Variants in PCNX1 observed in about 807,000 individuals in gnomAD.
PCNX1 encodes pecanex 1, also known as pecanex-like protein 1.
In PCNX1, 78 loss-of-function variants were observed where a neutral mutation model predicts 242.2. That is an observed-to-expected ratio of 0.32 (90% CI 0.27 to 0.39). The LOEUF is 0.39. Among genes scored for constraint, PCNX1 ranks in the 10% least tolerant of loss-of-function variants. The pLI is 1.00. For synonymous variants in PCNX1, 1,024 were observed against 1,032.9 expected (o/e 0.99, Z 0.17); for missense variants, 2,581 against 2,856.5 (o/e 0.90, Z 2.20).
At position 71,065,629 on chromosome 14, in the gene PCNX1, A is replaced by G. The variant is rs117852946; in HGVS notation, c.4852+7905A>G. 9.0e-3 allele frequency among the ~76,000 whole-genome samples: 1,367 copies of G among 152,026 alleles called. 10 individuals are homozygous for G. Among genetic ancestry groups the G allele is most frequent in the Non-Finnish European group, 0.012 (843 of 67,970 alleles). Reference sequence around the variant, plus strand: ...ACAGAAGCTCTTTAGTTTAGATCCCATTTGTCTATTTTGGCTTTTGTTGCC... The same window carrying G: ...ACAGAAGCTCTTTAGTTTAGATCCCGTTTGTCTATTTTGGCTTTTGTTGCC... On this transcript the variant is annotated intron_variant, in intron 26 of 35. Transcript: ENST00000304743.
intron 8 of PCNX1, among the ~76,000 whole-genome samples, chr14:71,003,537 C>T (rs2059571603): frequency 1.3e-5 from 2 of 152,000 alleles, no homozygotes; most frequent in African/African-American, 2.4e-5. Context: ...TCATCAATGT[C>T]GTTATTATAG....
intron 19 of PCNX1, among the ~76,000 whole-genome samples, chr14:71,042,872 AT>A (rs1421792107): frequency 2.6e-5 from 4 of 152,068 alleles, no homozygotes; most frequent in African/African-American, 9.7e-5. Context: ...ACTTAAAAAA[AT>A]CATTTGTTTA....
rs1464312795 is a variant in PCNX1 at position 71,073,668 on chromosome 14, A to T, written c.4976A>T (p.Gln1659Leu). 6.2e-7 allele frequency: 1 copy of T among 1,614,000 alleles called. No individual in the cohort carries two copies. Among genetic ancestry groups the T allele is most frequent in the East Asian group, 2.2e-5 (1 of 44,880 alleles). ...HMLSFNAAFSQRWLAWEVIVT... is the reference protein window; with the variant it reads ...HMLSFNAAFSLRWLAWEVIVT... ...CTTTCATTTAATGCTGCATTTAGCC[A>T]GCGATGGCTAGCTTGGGAAGTGATA... Residue 1659 changes from glutamine to leucine, a missense_variant, in exon 27 of 36, where the codon CAG (glutamine) becomes CTG (leucine). Coordinates refer to ENST00000304743, the MANE Select transcript of PCNX1 (RefSeq NM_014982.3).
chr14:71,005,749 G>A (rs2059638332), intron 8 of PCNX1, among the ~76,000 whole-genome samples: 1 of 152,074 alleles, frequency 6.6e-6, no homozygotes, highest in Non-Finnish European at 1.5e-5. Context: ...TGTTAAGTGA[G>A]TATCCAGTTT....
intron 27 of PCNX1, among the ~76,000 whole-genome samples, chr14:71,074,990 C>CTCTTTTTTTTTTTTTTTTT (rs1159668298): frequency 9.9e-6 from 1 of 101,100 alleles, no homozygotes; most frequent in African/African-American, 3.8e-5. Flanking sequence ...CTTTTCTTCT[C>CTCTTTTTTTTTTTTTTTTT]TTTTTTTTTT....
At chr14:70,986,929 A>G (rs1233166282) in intron 6 of PCNX1, among the ~76,000 whole-genome samples, 1 of 152,230 alleles carries the variant, frequency 6.6e-6, no homozygotes, top group African/African-American at 2.4e-5. Flanking sequence ...ATTGAGTTTT[A>G]AAATAGTGAT....
intron 5 of PCNX1, among the ~76,000 whole-genome samples, chr14:70,972,249 C>T (rs2058563216): frequency 1.4e-5 from 2 of 144,850 alleles, no homozygotes; most frequent in African/African-American, 5.2e-5. Flanking sequence ...GGAGCAGATT[C>T]AGGGTGGGGA....
intron 5 of PCNX1, among the ~76,000 whole-genome samples, chr14:70,973,041 C>T (rs1456942736): frequency 6.6e-6 from 1 of 151,996 alleles, no homozygotes; most frequent in African/African-American, 2.4e-5. Flanking sequence ...GGCTGGAGGC[C>T]AGGAGTTCAA....
chr14:71,058,079 T>C (rs1451212957), intron 26 of PCNX1, among the ~76,000 whole-genome samples: 1 of 152,254 alleles, frequency 6.6e-6, no homozygotes, highest in Non-Finnish European at 1.5e-5. Context: ...TGAATTTTTG[T>C]GTGAGGCAGA....
chr14:70,964,153 A>G (rs948480012), intron 3 of PCNX1, among the ~76,000 whole-genome samples: 1 of 152,118 alleles, frequency 6.6e-6, no homozygotes, highest in Non-Finnish European at 1.5e-5. Flanking sequence ...TGCAACCTCC[A>G]TCTCACAGGT....
At chr14:71,044,054 C>A (rs575539965) in intron 19 of PCNX1, among the ~76,000 whole-genome samples, 1 of 152,116 alleles carries the variant, frequency 6.6e-6, no homozygotes, top group African/African-American at 2.4e-5. Flanking sequence ...TGGTTGTGCA[C>A]GGTAGTGTAC....
chr14:71,025,518 C>G (rs796325949), intron 13 of PCNX1, among the ~76,000 whole-genome samples: 4 of 151,932 alleles, frequency 2.6e-5, no homozygotes, highest in African/African-American at 9.7e-5. Context: ...CATCTAGGTC[C>G]TCTTAGTGGA....
chr14:70,947,184 A>T, intron 2 of PCNX1, 61 bp downstream of exon 2: 7 of 1,221,392 alleles, frequency 5.7e-6, no homozygotes, highest in Non-Finnish European at 8.3e-6. Flanking sequence ...CTGTATAATG[A>T]TGTGATTATT....
In PCNX1 at chr14:71,039,223, TA is replaced by T. The variant is rs536179006; in HGVS notation, c.3867+3077del. ...CGTACCCTAAAACTTAAAGTATAAT[TA>T]AAAAAAAAAATTAAAAAAACAAAAA... On this transcript the variant is annotated intron_variant, in intron 19 of 35. Transcript: ENST00000304743. Among the ~76,000 whole-genome samples, 1,434 of 147,610 alleles carry T rather than the reference TA, an allele frequency of 9.7e-3. 24 individuals carry two copies. The highest frequency in any genetic ancestry group is 0.032 in the African/African-American group (1,297 of 40,302).
intron 2 of PCNX1, among the ~76,000 whole-genome samples, chr14:70,960,012 G>T: frequency 9.2e-6 from 1 of 109,202 alleles, no homozygotes; most frequent in African/African-American, 3.4e-5. Flanking sequence ...GTGTTTTTTG[G>T]CTGCATAAAT....
chr14:71,043,343 C>G (rs2141070244), intron 19 of PCNX1, among the ~76,000 whole-genome samples: 1 of 152,212 alleles, frequency 6.6e-6, no homozygotes, highest in Middle Eastern at 3.4e-3. Context: ...GTCTGTATTT[C>G]CTCTAAGACT....
rs758181078 is a variant in PCNX1 at position 71,051,168 on chromosome 14, CAAAAAAAAAAAAA to C, written c.4447+426_4447+438del. Among the ~76,000 whole-genome samples the C allele has an allele frequency of 7.9e-4, 33 of 41,774 alleles. No individual in the cohort carries two copies. In the South Asian group the frequency reaches 0.011, roughly 14 times the overall value. 27.4% of individuals were successfully genotyped at this position (41,774 alleles called of 152,430 possible). ...GGGCAACGAGAGCAAAACTCTGTCT[CAAAAAAAAAAAAA>C]AAAAAAAAAAAAAAAAATCATAACC... is the stretch of plus-strand genomic sequence containing the variant. On this transcript the variant is annotated intron_variant, in intron 23 of 35. Coordinates refer to ENST00000304743, the MANE Select transcript of PCNX1 (RefSeq NM_014982.3).
rs371613689 is a variant in PCNX1, at chr14:71,061,355, C to T, written c.4852+3631C>T. The stretch of plus-strand genomic sequence containing the variant: ...ATGCCCTCCTGAATTGCTCTGCCAG[C>T]ACAATGGAGAAGTACTGTTTGGAGA... On this transcript the variant is annotated intron_variant, in intron 26 of 35. Coordinates refer to ENST00000304743, the MANE Select transcript of PCNX1 (RefSeq NM_014982.3). Among the ~76,000 whole-genome samples the T allele has an allele frequency of 2.0e-4, 31 of 152,326 alleles. No homozygotes were observed. The East Asian group carries it at 5.2e-3, about 26-fold the overall frequency.
Position 71,113,937 on chromosome 14 carries a change from A to G in PCNX1, c.*4002A>G, listed in dbSNP as rs1236980364. On this transcript the variant is annotated 3_prime_UTR_variant, in exon 36 of 36. Transcript: ENST00000304743. ...CTGTGTAATGTAATCATATAAAGTTACTTTGGACAGAGACCCAGTTAATTT... is the reference window on the plus strand; with the variant it reads ...CTGTGTAATGTAATCATATAAAGTTGCTTTGGACAGAGACCCAGTTAATTT... The G allele has an allele frequency of 6.6e-6, 1 of 152,132 alleles. No homozygotes were observed. The highest frequency in any genetic ancestry group is 1.9e-4 in the East Asian group (1 of 5,192). The allele number at this position is 152,132 out of a possible 1,614,324, so 9.4% of individuals were successfully genotyped here. A position where few individuals can be genotyped will look rare whatever the true frequency, so the allele number is the denominator to read the frequency against.
Sources: gnomAD v4.1 joint callset for allele counts (sites outside exome capture counted in the v4.1 genomes callset) on GRCh38, gnomAD v4.1.1 for gene constraint, MANE v1.5 for transcripts, NCBI Gene and HGNC (gene_info 2026-07-23, HGNC 2026-07-21) for gene names.